Variants in MAP7 observed in about 807,000 individuals in gnomAD.
MAP7 encodes the protein ensconsin.
In MAP7, 52 loss-of-function variants were observed where a neutral mutation model predicts 94.8. The ratio of observed to expected loss-of-function variants is 0.55; its 90% CI spans 0.44 to 0.69. The LOEUF is 0.69. Ranked by LOEUF, MAP7 falls within the 30% of genes least tolerant of loss-of-function variation. The pLI, the probability that MAP7 is intolerant of heterozygous loss-of-function variation, is 0.00. For missense variants in MAP7, 940 were observed against 964.6 expected (o/e 0.97, Z 0.34); for synonymous variants, 350 against 357.0 (o/e 0.98, Z 0.22).
chr6:136,513,109 C>A (rs1823753230), intron 1 of MAP7, among the ~76,000 whole-genome samples: 2 of 152,130 alleles, frequency 1.3e-5, no homozygotes, highest in Admixed American at 1.3e-4. Flanking sequence ...CCTCTCAAAG[C>A]ACTGGGATTA....
chr6:136,408,461 A>T (rs1446048601), intron 3 of MAP7, among the ~76,000 whole-genome samples: 10 of 152,204 alleles, frequency 6.6e-5, no homozygotes, highest in Non-Finnish European at 1.5e-4. Flanking sequence ...CCATAACACC[A>T]AGAACAAAAT....
intron 1 of MAP7, among the ~76,000 whole-genome samples, chr6:136,549,333 C>A (rs1243990580): frequency 6.6e-6 from 1 of 152,136 alleles, no homozygotes; most frequent in Non-Finnish European, 1.5e-5. Flanking sequence ...CCTCACTGCC[C>A]CCATCCCCAA....
At chr6:136,398,845 T>C (rs920398532) in intron 3 of MAP7, among the ~76,000 whole-genome samples, 5 of 152,140 alleles carry the variant, frequency 3.3e-5, no homozygotes, top group African/African-American at 1.2e-4. Flanking sequence ...GGTAGAACAG[T>C]GAACTCAGTG....
intron 1 of MAP7, among the ~76,000 whole-genome samples, chr6:136,529,297 T>G (rs1409885362): frequency 1.3e-5 from 2 of 152,104 alleles, no homozygotes; most frequent in Non-Finnish European, 2.9e-5. Context: ...TTTTTGCATT[T>G]TTAGTAGAGA....
intron 1 of MAP7, among the ~76,000 whole-genome samples, chr6:136,431,491 G>GTTTT (rs1196467961): frequency 3.3e-4 from 24 of 73,372 alleles, no homozygotes; most frequent in Non-Finnish European, 2.4e-4. Flanking sequence ...ACTTTTTAAT[G>GTTTT]CTTTATTTAT....
chr6:136,530,202 T>C (rs901900389), intron 1 of MAP7, among the ~76,000 whole-genome samples: 1 of 152,210 alleles, frequency 6.6e-6, no homozygotes, highest in Admixed American at 6.5e-5. Context: ...AAAAAGAGCC[T>C]AATTTGTACT....
chr6:136,490,290 T>C (rs1167618610), intron 1 of MAP7, among the ~76,000 whole-genome samples: 3 of 152,200 alleles, frequency 2.0e-5, no homozygotes, highest in Non-Finnish European at 4.4e-5. Flanking sequence ...AATTTAGTTA[T>C]GACAAATACA....
At chr6:136,470,180 C>T (rs1476245088) in intron 1 of MAP7, among the ~76,000 whole-genome samples, 4 of 152,090 alleles carry the variant, frequency 2.6e-5, no homozygotes, top group Non-Finnish European at 5.9e-5. Flanking sequence ...CTGCTTTGTT[C>T]TTTCTTCTTT....
At chr6:136,421,631 AAT>A in intron 2 of MAP7, 68 bp downstream of exon 2, 1 of 1,387,326 alleles carries the variant, frequency 7.2e-7, no homozygotes, top group Non-Finnish European at 1.0e-6. Flanking sequence ...AAACCTTTAT[AAT>A]CATCAGCATG....
intron 16 of MAP7, 35 bp from the exon 17 acceptor site, chr6:136,346,114 T>G (rs1329289627): frequency 7.2e-7 from 1 of 1,384,510 alleles, no homozygotes; most frequent in Non-Finnish European, 1.0e-6. Flanking sequence ...AGAAATAAGT[T>G]AGTCTTAAAA....
chr6:136,461,482 G>A (rs1805191397), intron 1 of MAP7, among the ~76,000 whole-genome samples: 1 of 152,088 alleles, frequency 6.6e-6, no homozygotes, highest in Non-Finnish European at 1.5e-5. Context: ...CCTTTGCATT[G>A]TTAATATTAG....
chr6:136,487,431 C>T (rs1472792858), intron 1 of MAP7, among the ~76,000 whole-genome samples: 1 of 152,084 alleles, frequency 6.6e-6, no homozygotes, highest in Non-Finnish European at 1.5e-5. Context: ...ATAAATATGG[C>T]CAGGTGCAGT....
chr6:136,362,733 T>A lies in MAP7; in HGVS notation c.1274-31A>T, dbSNP rs200763597. ...CAAATAGGTACAAGGAGAAAACCAG[T>A]TGGAAACAAAATCCAAAGAACAAAA... On this transcript the variant is annotated intron_variant, in intron 10 of 17. Coordinates refer to ENST00000354570, the MANE Select transcript of MAP7 (RefSeq NM_003980.6). The A allele has an allele frequency of 1.3e-5, 20 of 1,522,472 alleles. No homozygotes were observed. The African/African-American group carries it at 1.9e-4, about 15-fold the overall frequency. The allele number at this position is 1,522,472 out of a possible 1,614,324, so 94.3% of individuals were successfully genotyped here.
intron 3 of MAP7, among the ~76,000 whole-genome samples, chr6:136,402,896 ACT>A (rs1784509747): frequency 8.7e-6 from 1 of 114,986 alleles, no homozygotes; most frequent in East Asian, 2.9e-4. Flanking sequence ...AAAGAGCAAG[ACT>A]CTGTCTCAAA....
At position 136,361,096 on chromosome 6, in the gene MAP7, T is replaced by A. The variant is rs781079659; in HGVS notation, c.1610A>T (p.Glu537Val). 3.1e-6 allele frequency: 5 copies of A among 1,605,026 alleles called. 1 individual carries two copies. In the South Asian group the frequency reaches 4.4e-5, roughly 14 times the overall value. Residue 537 changes from glutamate to valine, a missense_variant, in exon 12 of 18, where the codon GAG (glutamate) becomes GTG (valine). Coordinates refer to ENST00000354570, the MANE Select transcript of MAP7 (RefSeq NM_003980.6). ...REEESRRLEA[E>V]QAREKEEQLQ... ...CTGCTCCTCCTTCTCCCGGGCCTGCTCGGCTTCCAGCCTGCGCGACTCCTC... is the reference window on the plus strand; with the variant it reads ...CTGCTCCTCCTTCTCCCGGGCCTGCACGGCTTCCAGCCTGCGCGACTCCTC...
At chr6:136,477,316 ACTGC>A (rs2128954667) in intron 1 of MAP7, among the ~76,000 whole-genome samples, 1 of 152,310 alleles carries the variant, frequency 6.6e-6, no homozygotes, top group East Asian at 1.9e-4. Context: ...CTACAAAACA[ACTGC>A]CCTTGAATGC....
intron 1 of MAP7, among the ~76,000 whole-genome samples, chr6:136,486,781 C>T (rs1814918586): frequency 6.6e-6 from 1 of 151,996 alleles, no homozygotes; most frequent in African/African-American, 2.4e-5. Context: ...TAAGGCTATC[C>T]CAAAATCAAC....
At chr6:136,416,237 C>T (rs942646950) in intron 2 of MAP7, among the ~76,000 whole-genome samples, 15 of 152,104 alleles carry the variant, frequency 9.9e-5, no homozygotes, top group Non-Finnish European at 1.5e-5. Context: ...CCCTCAGAGC[C>T]TTTAAACTTT....
At chr6:136,365,631 C>T in intron 10 of MAP7, 104 bp downstream of exon 10, 1 of 1,267,704 alleles carries the variant, frequency 7.9e-7, no homozygotes, top group Admixed American at 2.6e-5. Context: ...AGTAAAATTT[C>T]CAAGTCTCCA....
Sources: gnomAD v4.1 joint callset for allele counts (sites outside exome capture counted in the v4.1 genomes callset) on GRCh38, gnomAD v4.1.1 for gene constraint, MANE v1.5 for transcripts, NCBI Gene and HGNC (gene_info 2026-07-23, HGNC 2026-07-21) for gene names.